NKAIN2: variants seen among roughly 807,000 people sequenced by gnomAD.
NKAIN2 encodes sodium/potassium transporting ATPase interacting 2.
Under a neutral mutation model 32.6 loss-of-function variants are expected in NKAIN2, and 14 were observed. The observed-to-expected ratio is 0.43, with a 90% CI of 0.28 to 0.67. NKAIN2 has a LOEUF of 0.67. Ranked by LOEUF, NKAIN2 falls within the 30% of genes least tolerant of loss-of-function variation. The probability of loss-of-function intolerance (pLI) is 0.17; values close to 1 mark genes in which losing one functional copy is unlikely to be tolerated. For missense variants in NKAIN2, 198 were observed against 258.3 expected (o/e 0.77, Z 1.60); for synonymous variants, 80 against 87.2 (o/e 0.92, Z 0.46).
intron 3 of NKAIN2, among the ~76,000 whole-genome samples, chr6:124,367,223 A>G (rs1220401494): frequency 3.3e-5 from 5 of 152,086 alleles, no homozygotes; most frequent in African/African-American, 1.2e-4. Flanking sequence ...TCTTATCAAT[A>G]TATTCTAATT....
At chr6:124,551,902 A>G (rs764327818) in intron 3 of NKAIN2, among the ~76,000 whole-genome samples, 19 of 152,174 alleles carry the variant, frequency 1.2e-4, no homozygotes, top group Non-Finnish European at 4.4e-5. Flanking sequence ...CAGCTAAATG[A>G]CTGTTTCTAA....
intron 1 of NKAIN2, among the ~76,000 whole-genome samples, chr6:124,131,838 G>A (rs901581157): frequency 6.6e-6 from 1 of 152,056 alleles, no homozygotes; most frequent in African/African-American, 2.4e-5. Context: ...AAGCTTCCAG[G>A]TGAATTTTAT....
intron 6 of NKAIN2, among the ~76,000 whole-genome samples, chr6:124,821,957 A>G (rs1294667845): frequency 1.3e-5 from 2 of 152,166 alleles, no homozygotes; most frequent in East Asian, 3.9e-4. Flanking sequence ...TGACCCCTTC[A>G]GTTAGTGTTC....
rs559934172 is a variant in NKAIN2, at chr6:123,973,595, G to A, written c.54+169341G>A. Among the ~76,000 whole-genome samples the A allele has an allele frequency of 7.7e-4, 117 of 152,150 alleles. 1 individual carries two copies. Among genetic ancestry groups the A allele is most frequent in the African/African-American group, 2.0e-3 (85 of 41,538 alleles). The stretch of plus-strand genomic sequence containing the variant: ...AGAATGTATCACCATACCAGGACTC[G>A]TAGTTTCCTGCTATTCAAAACTCCA... On this transcript the variant is annotated intron_variant, in intron 1 of 6. Transcript: ENST00000368417.
intron 3 of NKAIN2, among the ~76,000 whole-genome samples, chr6:124,470,801 C>A (rs1776941533): frequency 6.6e-6 from 1 of 152,102 alleles, no homozygotes; most frequent in East Asian, 1.9e-4. Flanking sequence ...AAAACAAGAA[C>A]AGAAACAAAA....
intron 1 of NKAIN2, among the ~76,000 whole-genome samples, chr6:124,038,010 AGTAAGGGTCATATGAATTCC>A (rs1269544872): frequency 6.6e-6 from 1 of 152,180 alleles, no homozygotes; most frequent in Non-Finnish European, 1.5e-5. Flanking sequence ...GCTTTGTTAA[AGTAAGGGTCATATGAATTCC>A]GTAAGTTGTC....
chr6:124,646,977 A>G (rs1285729361), intron 3 of NKAIN2, among the ~76,000 whole-genome samples: 1 of 151,914 alleles, frequency 6.6e-6, no homozygotes. Context: ...AACAAAAACA[A>G]AACAAAAAAA....
chr6:124,293,694 G>T (rs569351133), intron 2 of NKAIN2, among the ~76,000 whole-genome samples: 1 of 152,134 alleles, frequency 6.6e-6, no homozygotes, highest in Non-Finnish European at 1.5e-5. Flanking sequence ...TATTGTCATA[G>T]TTTTATTTCA....
intron 4 of NKAIN2, among the ~76,000 whole-genome samples, chr6:124,775,761 C>G (rs1778959784): frequency 6.6e-6 from 1 of 152,174 alleles, no homozygotes; most frequent in African/African-American, 2.4e-5. Flanking sequence ...CTGCAAGGAG[C>G]TAAACCATCA....
intron 1 of NKAIN2, among the ~76,000 whole-genome samples, chr6:124,147,176 C>A (rs947469738): frequency 2.6e-5 from 4 of 152,268 alleles, no homozygotes; most frequent in African/African-American, 7.2e-5. Flanking sequence ...ATGGGGCATG[C>A]TGCGGACTTT....
At chr6:124,547,467 C>T (rs555300932) in intron 3 of NKAIN2, among the ~76,000 whole-genome samples, 7 of 152,130 alleles carry the variant, frequency 4.6e-5, no homozygotes, top group South Asian at 2.1e-4. Context: ...CAAGACTTGA[C>T]CATTCAATTA....
intron 4 of NKAIN2, among the ~76,000 whole-genome samples, chr6:124,729,070 C>T (rs1413731861): frequency 2.0e-5 from 3 of 151,786 alleles, no homozygotes; most frequent in Non-Finnish European, 2.9e-5. Context: ...TAATCAATAG[C>T]TTACCAACCA....
Position 124,570,497 on chromosome 6 carries a change from C to T in NKAIN2, c.274-87689C>T, listed in dbSNP as rs975687985. Among the ~76,000 whole-genome samples the T allele has an allele frequency of 6.6e-5, 10 of 152,224 alleles. No homozygotes were observed. The East Asian group carries it at 1.7e-3, about 27-fold the overall frequency. Reference sequence around the variant, plus strand: ...TGTGCAGCCCTGTGTCTCATCTGCTCCAGCCATGGTTGAAAGGGGCCAATG... The same window carrying T: ...TGTGCAGCCCTGTGTCTCATCTGCTTCAGCCATGGTTGAAAGGGGCCAATG... On this transcript the variant is annotated intron_variant, in intron 3 of 6. Transcript: ENST00000368417.
chr6:124,025,867 C>A (rs897521901), intron 1 of NKAIN2, among the ~76,000 whole-genome samples: 1 of 152,154 alleles, frequency 6.6e-6, no homozygotes, highest in Admixed American at 6.6e-5. Flanking sequence ...AAGTACAGAG[C>A]AAGTTACTCT....
chr6:124,765,591 A>T (rs1293263978), intron 4 of NKAIN2, among the ~76,000 whole-genome samples: 3 of 152,008 alleles, frequency 2.0e-5, no homozygotes, highest in African/African-American at 7.2e-5. Context: ...ATAAGGTCAC[A>T]CTCCTCTTAA....
At chr6:124,355,533 A>G (rs1217940212) in intron 3 of NKAIN2, among the ~76,000 whole-genome samples, 186 bp downstream of exon 3, 1 of 142,194 alleles carries the variant, frequency 7.0e-6, no homozygotes, top group East Asian at 2.0e-4. Flanking sequence ...ACAAAAATGT[A>G]CTTTTTCTTA....
At chr6:124,270,019 T>C (rs1562462152) in intron 1 of NKAIN2, among the ~76,000 whole-genome samples, 2 of 152,300 alleles carry the variant, frequency 1.3e-5, no homozygotes, top group African/African-American at 2.4e-5. Context: ...TCCTGAAACC[T>C]CTGCTGATGC....
intron 3 of NKAIN2, among the ~76,000 whole-genome samples, chr6:124,434,677 T>A (rs1381379681): frequency 1.3e-5 from 2 of 152,210 alleles, no homozygotes; most frequent in African/African-American, 4.8e-5. Context: ...AGAAATTGTC[T>A]AAATGTTCAG....
chr6:124,362,787 A>C lies in NKAIN2; in HGVS notation c.273+7440A>C, dbSNP rs144736199. Among the ~76,000 whole-genome samples, 381 of 152,310 alleles carry C rather than the reference A, an allele frequency of 2.5e-3. 1 individual carries two copies. Among genetic ancestry groups the C allele is most frequent in the African/African-American group, 8.9e-3 (369 of 41,562 alleles). ...CTACTAAGAGAAGAAAAAAGAGATA[A>C]AACCAAAATTTATTTTGAAAAAATG... is the stretch of plus-strand genomic sequence containing the variant. On this transcript the variant is annotated intron_variant, in intron 3 of 6. Transcript: ENST00000368417.
Sources: gnomAD v4.1 joint callset for allele counts (sites outside exome capture counted in the v4.1 genomes callset) on GRCh38, gnomAD v4.1.1 for gene constraint, MANE v1.5 for transcripts, NCBI Gene and HGNC (gene_info 2026-07-23, HGNC 2026-07-21) for gene names.